PLPP3: variants seen among roughly 807,000 people sequenced by gnomAD.
The protein encoded by PLPP3 is PAP2 beta.
PLPP3 carries 6 observed loss-of-function variants against 29.6 expected under a neutral mutation model. The ratio of observed to expected loss-of-function variants is 0.20; its 90% CI spans 0.11 to 0.40. PLPP3 has a LOEUF of 0.40. PLPP3 is among the 10% of genes least tolerant of loss of function. The probability of loss-of-function intolerance (pLI) is 1.00; values close to 1 mark genes in which losing one functional copy is unlikely to be tolerated. For synonymous variants in PLPP3, 152 were observed against 159.7 expected (o/e 0.95, Z 0.36); for missense variants, 308 against 407.7 (o/e 0.76, Z 2.11).
Position 56,524,679 on chromosome 1 carries a change from T to C in PLPP3, c.298-125A>G, listed in dbSNP as rs1645841825. On this transcript the variant is annotated intron_variant, in intron 2 of 5. Coordinates refer to ENST00000371250, the MANE Select transcript of PLPP3 (RefSeq NM_003713.5). The surrounding 1 kb of genome is among the most constrained non-coding windows in gnomAD (Gnocchi z 4.3). ...TGCAAAGGAGTGTCCTAATTTTCTA[T>C]TTATGAAATATACAGACACAAATAT... 8.9e-7 allele frequency: 1 copy of C among 1,125,446 alleles called. No individual in the cohort carries two copies. The highest frequency in any genetic ancestry group is 1.3e-6 in the Non-Finnish European group (1 of 798,280). 69.7% of individuals were successfully genotyped at this position (1,125,446 alleles called of 1,614,324 possible). A position where few individuals can be genotyped will look rare whatever the true frequency, so the allele number is the denominator to read the frequency against.
chr1:56,537,319 G>A (rs934899704), intron 1 of PLPP3, among the ~76,000 whole-genome samples: 2 of 152,040 alleles, frequency 1.3e-5, no homozygotes, highest in African/African-American at 4.8e-5. Context: ...CCCCCATGAG[G>A]AGAGAGGCAT....
At chr1:56,499,916 G>A (rs1645655915) in intron 5 of PLPP3, among the ~76,000 whole-genome samples, 2 of 152,138 alleles carry the variant, frequency 1.3e-5, no homozygotes, top group South Asian at 4.1e-4. Context: ...TTAAGTAGCT[G>A]TCTTAGGTCT....
At chr1:56,531,438 C>T (rs1284996961) in intron 2 of PLPP3, among the ~76,000 whole-genome samples, 1 of 152,196 alleles carries the variant, frequency 6.6e-6, no homozygotes, top group South Asian at 2.1e-4. Flanking sequence ...AAGGTGCCTA[C>T]CACAAAGCCT....
rs1267563588 is a variant in PLPP3, at chr1:56,501,301, ACT to A, written c.811-4627_811-4626del. On this transcript the variant is annotated intron_variant, in intron 5 of 5. Coordinates refer to ENST00000371250, the MANE Select transcript of PLPP3 (RefSeq NM_003713.5). The stretch of plus-strand genomic sequence containing the variant: ...AATCTTTGCACTTATTCCCATAAAA[ACT>A]CTTAAAATTTTGATAACTATGCTAG... Among the ~76,000 whole-genome samples, 7 of 151,752 alleles carry A rather than the reference ACT, an allele frequency of 4.6e-5. No individual in the cohort carries two copies. In the East Asian group the frequency reaches 1.4e-3, roughly 29 times the overall value.
intron 1 of PLPP3, among the ~76,000 whole-genome samples, chr1:56,551,272 G>T (rs75114340): frequency 0.28 from 39,814 of 140,486 alleles, 6,286 homozygotes; most frequent in South Asian, 0.37. Flanking sequence ...ATGGCTTTCT[G>T]GGTTTGGGGT....
chr1:56,571,175 G>T (rs1385575300), intron 1 of PLPP3, among the ~76,000 whole-genome samples: 2 of 152,166 alleles, frequency 1.3e-5, no homozygotes, highest in Non-Finnish European at 2.9e-5. Flanking sequence ...ACTGTCACTG[G>T]ACAATTACTA....
At chr1:56,560,657 G>GT (rs1553139676) in intron 1 of PLPP3, among the ~76,000 whole-genome samples, 5 of 152,034 alleles carry the variant, frequency 3.3e-5, no homozygotes, top group South Asian at 4.2e-4. Context: ...ACCTCTTAAA[G>GT]CCCCCCCACC....
intron 1 of PLPP3, among the ~76,000 whole-genome samples, chr1:56,558,028 C>G (rs1202146707): frequency 6.6e-6 from 1 of 152,168 alleles, no homozygotes; most frequent in Non-Finnish European, 1.5e-5. Flanking sequence ...GCTTTGCCAG[C>G]AGGTTTGTGG....
In PLPP3 at chr1:56,579,142, C is replaced by T. The variant is rs1179201757; in HGVS notation, c.-126G>A. ...GATAGTGGCGGGTCGGCCCCGGCTC[C>T]GGGCGCGGCGGCTAGAGTGCAGCCG... is the stretch of plus-strand genomic sequence containing the variant. On this transcript the variant is annotated 5_prime_UTR_variant, in exon 1 of 6. Coordinates refer to ENST00000371250, the MANE Select transcript of PLPP3 (RefSeq NM_003713.5). The T allele has an allele frequency of 7.6e-7, 1 of 1,310,140 alleles. No individual in the cohort carries two copies. Among genetic ancestry groups the T allele is most frequent in the Non-Finnish European group, 1.0e-6 (1 of 994,072 alleles). The allele number at this position is 1,310,140 out of a possible 1,614,324, so 81.2% of individuals were successfully genotyped here.
chr1:56,559,556 A>AT (rs35349205), intron 1 of PLPP3, among the ~76,000 whole-genome samples: 15,593 of 144,994 alleles, frequency 0.11, 2,315 homozygotes, highest in African/African-American at 0.34. Flanking sequence ...CCAGCCTTGA[A>AT]TTTTTTTTTT....
intron 1 of PLPP3, among the ~76,000 whole-genome samples, chr1:56,537,690 C>T (rs1645937709): frequency 6.6e-6 from 1 of 151,384 alleles, no homozygotes; most frequent in African/African-American, 2.4e-5. Context: ...GATCAACGCA[C>T]ACACAACCTC....
At chr1:56,534,532 A>C (rs2100263084) in intron 2 of PLPP3, among the ~76,000 whole-genome samples, 2 of 152,232 alleles carry the variant, frequency 1.3e-5, no homozygotes, top group African/African-American at 4.8e-5. Context: ...CAGGACTGCA[A>C]GCAGCAGGAT....
chr1:56,539,922 T>A (rs941908262), intron 1 of PLPP3, among the ~76,000 whole-genome samples: 1 of 152,174 alleles, frequency 6.6e-6, no homozygotes, highest in Non-Finnish European at 1.5e-5. Context: ...GCCAAAGTGT[T>A]GCTAATAAAC....
chr1:56,558,299 C>T (rs1263906287), intron 1 of PLPP3, among the ~76,000 whole-genome samples: 1 of 152,210 alleles, frequency 6.6e-6, no homozygotes, highest in African/African-American at 2.4e-5. Flanking sequence ...TCTCCCAACA[C>T]TGGAATGCAT....
At chr1:56,569,013 C>A (rs1330900708) in intron 1 of PLPP3, among the ~76,000 whole-genome samples, 1 of 152,062 alleles carries the variant, frequency 6.6e-6, no homozygotes, top group African/African-American at 2.4e-5. Context: ...GTCTTTAGCT[C>A]CTCTGCCTCC....
At chr1:56,545,225 T>A (rs543181953) in intron 1 of PLPP3, among the ~76,000 whole-genome samples, 13 of 152,370 alleles carry the variant, frequency 8.5e-5, no homozygotes, top group Admixed American at 2.6e-4. Context: ...TCAACTGTCA[T>A]TCTTGCTGTA....
In PLPP3 at chr1:56,537,080, T is replaced by C; in HGVS notation, c.172A>G (p.Thr58Ala). 3.1e-6 allele frequency: 5 copies of C among 1,612,912 alleles called. No homozygotes were observed. The highest frequency in any genetic ancestry group is 4.2e-6 in the Non-Finnish European group (5 of 1,179,658). Residue 58 changes from threonine (T) to alanine (A), a missense_variant, in exon 2 of 6, where the codon ACC becomes GCC. By Grantham distance (58) the Thr-to-Ala change is moderately conservative (BLOSUM62 0). This residue lies in a region of PLPP3 where 9 missense variants were observed against 29.3 expected (regional missense o/e 0.31). Transcript: ENST00000371250. Reference sequence around the variant, plus strand: ...AACCCTCGGTGGTAAGGCTTGATGGTGCTTGTCTCGATGATGAGGAAGGGG... The same window carrying C: ...AACCCTCGGTGGTAAGGCTTGATGGCGCTTGTCTCGATGATGAGGAAGGGG... ...GLPFLIIETS[T>A]IKPYHRGFYC... is the part of the protein sequence containing the mutation.
intron 1 of PLPP3, among the ~76,000 whole-genome samples, chr1:56,575,590 A>C (rs1158716316): frequency 1.3e-5 from 2 of 152,234 alleles, no homozygotes; most frequent in Non-Finnish European, 2.9e-5. Context: ...ACCGAGCTTC[A>C]GAATTTTCTG....
At chr1:56,535,452 T>C (rs1010156676) in intron 2 of PLPP3, among the ~76,000 whole-genome samples, 4 of 152,182 alleles carry the variant, frequency 2.6e-5, no homozygotes, top group Admixed American at 6.5e-5. Context: ...TTGCTGCCAT[T>C]GTATGGGTTG....
Sources: gnomAD v4.1 joint callset for allele counts (sites outside exome capture counted in the v4.1 genomes callset) on GRCh38, gnomAD v4.1.1 for gene constraint, gnomAD v4.1.1 regional missense constraint, Gnocchi (gnomAD v3.1) non-coding constraint, MANE v1.5 for transcripts, NCBI Gene and HGNC (gene_info 2026-07-23, HGNC 2026-07-21) for gene names.